PKD1L1: variants seen among roughly 807,000 people sequenced by gnomAD.
PKD1L1 encodes polycystin 1 like 1, transient receptor potential channel interacting, also known as polycystin-1-like protein 1.
A neutral mutation model predicts 323.4 loss-of-function variants in PKD1L1; 236 were observed. That is an observed-to-expected ratio of 0.73 (90% CI 0.66 to 0.81). The LOEUF (loss-of-function observed/expected upper bound fraction) is 0.81. Among genes scored for constraint, PKD1L1 ranks in the 40% least tolerant of loss-of-function variants. PKD1L1 has a pLI of 0.00. For missense variants in PKD1L1, 3,320 were observed against 3,508.0 expected (o/e 0.95, Z 1.35); for synonymous variants, 1,344 against 1,335.0 (o/e 1.01, Z -0.15).
At chr7:47,837,861 A>G (rs149891108) in intron 36 of PKD1L1, among the ~76,000 whole-genome samples, 178 of 152,368 alleles carry the variant, frequency 1.2e-3, no homozygotes, top group African/African-American at 4.0e-3. Context: ...AGCAGAGCAC[A>G]GAAGCGAATG....
At chr7:47,905,028 G>A (rs987823786) in intron 11 of PKD1L1, 129 bp downstream of exon 11, 15 of 989,654 alleles carry the variant, frequency 1.5e-5, no homozygotes, top group Non-Finnish European at 2.2e-5. Flanking sequence ...TTCACAGAAG[G>A]ACCTAGTGGC....
chr7:47,944,440 T>C (rs574222723), intron 1 of PKD1L1, among the ~76,000 whole-genome samples: 46 of 152,362 alleles, frequency 3.0e-4, no homozygotes, highest in African/African-American at 1.1e-3. Context: ...CAGGTATTTC[T>C]TTATAGCAAT....
At chr7:47,948,294 G>T in intron 1 of PKD1L1, 103 bp downstream of exon 1, 2 of 1,367,290 alleles carry the variant, frequency 1.5e-6, no homozygotes, top group South Asian at 1.2e-5. Context: ...ACTCGTGCCA[G>T]AGTGAGCCCA....
intron 20 of PKD1L1, 96 bp downstream of exon 20, chr7:47,881,813 A>C (rs1786559444): frequency 8.4e-7 from 1 of 1,195,312 alleles, no homozygotes; most frequent in Non-Finnish European, 1.2e-6. Context: ...CTAAATACTT[A>C]TCTAGTAAAA....
chr7:47,960,396 T>G, the PKD1L1 span, among the ~76,000 whole-genome samples: 3 of 68,192 alleles, frequency 4.4e-5, no homozygotes, highest in East Asian at 5.6e-4. Context: ...AAAAAAAAAC[T>G]GTAAAAAAGA....
intron 3 of PKD1L1, among the ~76,000 whole-genome samples, chr7:47,937,544 G>T (rs115271296): frequency 0.012 from 1,845 of 152,236 alleles, 36 homozygotes; most frequent in African/African-American, 0.042. Context: ...CACAAGAGTG[G>T]CACGCTCCAA....
chr7:47,820,818 A>C (rs1347593644), intron 46 of PKD1L1, among the ~76,000 whole-genome samples: 1 of 152,168 alleles, frequency 6.6e-6, no homozygotes, highest in African/African-American at 2.4e-5. Flanking sequence ...GGTCTCCAGC[A>C]AAAAAGAAAC....
intron 26 of PKD1L1, among the ~76,000 whole-genome samples, chr7:47,863,799 G>A (rs553229013): frequency 9.2e-4 from 140 of 152,190 alleles, no homozygotes; most frequent in African/African-American, 3.0e-3. Context: ...GAGGTGGGAG[G>A]ATGGCTTGAG....
Position 47,815,412 on chromosome 7 carries a change from C to A in PKD1L1, c.7011G>T (p.Trp2337Cys). 1 of 1,614,086 alleles carries A rather than the reference C, an allele frequency of 6.2e-7. No individual in the cohort carries two copies. The highest frequency in any genetic ancestry group is 8.5e-7 in the Non-Finnish European group (1 of 1,179,962). ...GAAGTGTGGTCAGACTCCAGTCCCA[C>A]CAGTCAGCGATGTTTCTCAGGCCAC... is the stretch of plus-strand genomic sequence containing the variant. ...CLGGLRNIAD[W>C]WDWSLTTLLD... Residue 2337 changes from tryptophan to cysteine, a missense_variant, in exon 47 of 57, where the codon TGG (tryptophan) becomes TGT (cysteine). Trp to Cys is a radical substitution (Grantham distance 215). Coordinates refer to ENST00000289672, the MANE Select transcript of PKD1L1 (RefSeq NM_138295.5).
intron 21 of PKD1L1, among the ~76,000 whole-genome samples, chr7:47,880,284 A>ATTTTTTTTTTTTTTTTTTT (rs35198089): frequency 7.0e-5 from 4 of 56,780 alleles, no homozygotes; most frequent in African/African-American, 1.1e-4. Flanking sequence ...ATATATATAT[A>ATTTTTTTTTTTTTTTTTTT]TTTTTTTTTT....
chr7:47,908,884 G>A lies in PKD1L1; in HGVS notation c.1229-634C>T, dbSNP rs147286985. Among the ~76,000 whole-genome samples, 89 of 152,282 alleles carry A rather than the reference G, an allele frequency of 5.8e-4. No homozygotes were observed. The East Asian group carries it at 0.016, about 28-fold the overall frequency. On this transcript the variant is annotated intron_variant, in intron 8 of 56. Transcript: ENST00000289672. Reference sequence around the variant, plus strand: ...TTGGGACCTCTGTCATTGTCATTGGGACCATGTCATTTCCATGTGAATAGC... The same window carrying A: ...TTGGGACCTCTGTCATTGTCATTGGAACCATGTCATTTCCATGTGAATAGC...
Position 47,905,951 on chromosome 7 carries a change from T to C in PKD1L1, c.1414A>G (p.Ile472Val), listed in dbSNP as rs1303490605. The change falls in exon 10 of 57, where the codon ATA becomes GTA. Residue 472 changes from isoleucine to valine, a missense_variant. Coordinates refer to ENST00000289672, the MANE Select transcript of PKD1L1 (RefSeq NM_138295.5). ...SQVNQKSTVV[I>V]HHFPSIPSYN... Reference sequence around the variant, plus strand: ...GAAGGAATAGATGGAAAGTGATGTATAACCACAGTGCCTAAAATGAGAAAA... The same window carrying C: ...GAAGGAATAGATGGAAAGTGATGTACAACCACAGTGCCTAAAATGAGAAAA... 6.2e-7 allele frequency: 1 copy of C among 1,601,014 alleles called. No homozygotes were observed. Among genetic ancestry groups the C allele is most frequent in the South Asian group, 1.1e-5 (1 of 88,296 alleles).
chr7:47,889,807 G>T (rs1786768794), intron 16 of PKD1L1, among the ~76,000 whole-genome samples: 1 of 152,202 alleles, frequency 6.6e-6, no homozygotes, highest in African/African-American at 2.4e-5. Context: ...TCCCAGCACT[G>T]CTTCCTGGGT....
Position 47,846,874 on chromosome 7 carries a change from T to C in PKD1L1, c.5153+5A>G. 6.3e-7 allele frequency: 1 copy of C among 1,599,552 alleles called. No homozygotes were observed. The highest frequency in any genetic ancestry group is 8.5e-7 in the Non-Finnish European group (1 of 1,175,848). ...TCTCAGATTCTTTCTCAAATGTGTCTATACCTGCAGTTCACTTTTTCAGGA... is the reference window on the plus strand; with the variant it reads ...TCTCAGATTCTTTCTCAAATGTGTCCATACCTGCAGTTCACTTTTTCAGGA... On this transcript the variant is annotated splice_donor_5th_base_variant and intron_variant, in intron 32 of 56. Transcript: ENST00000289672.
intron 56 of PKD1L1, among the ~76,000 whole-genome samples, chr7:47,787,826 C>T (rs1786845886): frequency 6.6e-6 from 1 of 152,144 alleles, no homozygotes; most frequent in Non-Finnish European, 1.5e-5. Flanking sequence ...ATCCTCCCAC[C>T]TCAGCCTTCC....
chr7:47,795,860 G>A, intron 55 of PKD1L1, 129 bp downstream of exon 55: 2 of 1,100,716 alleles, frequency 1.8e-6, no homozygotes, highest in Non-Finnish European at 2.7e-6. Flanking sequence ...GACTAATTTT[G>A]TGGCTTTGCA....
At chr7:47,799,536 T>C (rs1784615589) in intron 54 of PKD1L1, among the ~76,000 whole-genome samples, 1 of 152,174 alleles carries the variant, frequency 6.6e-6, no homozygotes, top group African/African-American at 2.4e-5. Flanking sequence ...CTGCTAGGAA[T>C]GTGGCTAGAG....
Position 47,855,357 on chromosome 7 carries a change from T to A in PKD1L1, c.4591-92A>T, listed in dbSNP as rs34811669. 0.17 allele frequency: 138,786 copies of A among 833,856 alleles called. 13,557 individuals are homozygous for A. The highest frequency in any genetic ancestry group is 0.37 in the African/African-American group (22,201 of 59,524). 51.7% of individuals were successfully genotyped at this position (833,856 alleles called of 1,614,324 possible). ...AAACCAAAGTATCGTGGTGCTGCTA[T>A]TACACTTACATAAAATTATATGCCT... On this transcript the variant is annotated intron_variant, in intron 28 of 56. Coordinates refer to ENST00000289672, the MANE Select transcript of PKD1L1 (RefSeq NM_138295.5).
At chr7:47,958,130 T>C in the PKD1L1 span, among the ~76,000 whole-genome samples, 5 of 152,176 alleles carry the variant, frequency 3.3e-5, no homozygotes, top group African/African-American at 1.2e-4. Context: ...AGACCTTGAA[T>C]AGCCAAAGCA....
Sources: allele counts gnomAD v4.1 joint callset (sites outside exome capture counted in the v4.1 genomes callset), GRCh38; gene constraint gnomAD v4.1.1; transcripts MANE v1.5; gene names NCBI Gene and HGNC (gene_info 2026-07-23, HGNC 2026-07-21).